RBFOX3: variants seen among roughly 807,000 people sequenced by gnomAD.
The protein encoded by RBFOX3 is RNA binding protein fox-1 homolog 3.
Under a neutral mutation model 48.7 loss-of-function variants are expected in RBFOX3, and 17 were observed. The ratio of observed to expected loss-of-function variants is 0.35; its 90% CI spans 0.24 to 0.52. The LOEUF (loss-of-function observed/expected upper bound fraction) is 0.52, where lower values mean the gene tolerates loss of function less well. Among genes scored for constraint, RBFOX3 ranks in the 20% least tolerant of loss-of-function variants. The pLI is 0.94. For synonymous variants in RBFOX3, 212 were observed against 209.5 expected (o/e 1.01, Z -0.10); for missense variants, 382 against 497.5 (o/e 0.77, Z 2.21).
At chr17:79,588,087 C>T (rs1000616737) in intron 1 of RBFOX3, among the ~76,000 whole-genome samples, 5 of 152,180 alleles carry the variant, frequency 3.3e-5, no homozygotes, top group Non-Finnish European at 7.3e-5. Flanking sequence ...CCCACCTTGG[C>T]CTCCCAAAGT....
At chr17:79,181,956 C>T (rs1041230166) in intron 4 of RBFOX3, among the ~76,000 whole-genome samples, 1 of 135,552 alleles carries the variant, frequency 7.4e-6, no homozygotes. Flanking sequence ...CTCATTGTCT[C>T]CAAGAAACAC....
In RBFOX3 at chr17:79,412,351, A is replaced by ATG. The variant is rs1452163797; in HGVS notation, c.-175+70101_-175+70102dup. Among the ~76,000 whole-genome samples, 534 of 150,468 alleles carry ATG rather than the reference A, an allele frequency of 3.5e-3. 2 individuals are homozygous for ATG. Among genetic ancestry groups the ATG allele is most frequent in the African/African-American group, 0.013 (512 of 40,814 alleles). On this transcript the variant is annotated intron_variant, in intron 2 of 14. Coordinates refer to ENST00000693108, the MANE Select transcript of RBFOX3 (RefSeq NM_001350451.2). ...GTGGTGTGTATGCACATGTTGTGAT[A>ATG]TGTGTGGTGTGTATGCACATGTGTG...
intron 4 of RBFOX3, among the ~76,000 whole-genome samples, chr17:79,168,679 C>T (rs2048520328): frequency 6.6e-6 from 1 of 152,228 alleles, no homozygotes; most frequent in Non-Finnish European, 1.5e-5. Context: ...ACAGTGCCAC[C>T]TTGGACAGGC....
chr17:79,291,444 ATCT>A lies in RBFOX3; in HGVS notation c.-74+16277_-74+16279del, dbSNP rs2073244240. On this transcript the variant is annotated intron_variant, in intron 3 of 14. Coordinates refer to ENST00000693108, the MANE Select transcript of RBFOX3 (RefSeq NM_001350451.2). ...GGAGCTGACATTAAATACAGTAGGA[ATCT>A]GCAGCCCTCGGCTTCAAGTGTGGGG... Among the ~76,000 whole-genome samples, 5 of 152,284 alleles carry A rather than the reference ATCT, an allele frequency of 3.3e-5. No homozygotes were observed. The South Asian group carries it at 1.0e-3, about 32-fold the overall frequency.
At position 79,244,737 on chromosome 17, in the gene RBFOX3, ATTCCTTTCCTTCC is replaced by A. The variant is rs1567906845; in HGVS notation, c.-73-8945_-73-8933del. Among the ~76,000 whole-genome samples, 3 of 109,068 alleles carry A rather than the reference ATTCCTTTCCTTCC, an allele frequency of 2.8e-5. No individual in the cohort carries two copies. In the Admixed American group the frequency reaches 3.2e-4, roughly 12 times the overall value. The allele number at this position is 109,068 out of a possible 152,430, so 71.6% of individuals were successfully genotyped here. On this transcript the variant is annotated intron_variant, in intron 3 of 14. Transcript: ENST00000693108. ...CCTTTTCTTTCCTCTTTCTTCTCCC[ATTCCTTTCCTTCC>A]TTCCTTCCTTTTCTTCCTTCCTTCC...
the RBFOX3 span, among the ~76,000 whole-genome samples, chr17:79,644,131 A>G: frequency 6.6e-6 from 1 of 152,142 alleles, no homozygotes; most frequent in African/African-American, 2.4e-5. Flanking sequence ...TGAAAACACA[A>G]CTTACCAAAA....
chr17:79,551,367 A>T (rs1775860327), intron 1 of RBFOX3, among the ~76,000 whole-genome samples: 1 of 152,144 alleles, frequency 6.6e-6, no homozygotes, highest in Non-Finnish European at 1.5e-5. Flanking sequence ...TCATGTTGAA[A>T]TGCAATCCCC....
At chr17:79,114,632 G>A (rs868225299) in intron 5 of RBFOX3, among the ~76,000 whole-genome samples, 75 of 152,340 alleles carry the variant, frequency 4.9e-4, no homozygotes, top group Middle Eastern at 6.8e-3. Context: ...CCGCCGGGGC[G>A]GTGCCACTCC....
chr17:79,188,335 C>T (rs1474074259), intron 4 of RBFOX3, among the ~76,000 whole-genome samples: 1 of 152,266 alleles, frequency 6.6e-6, no homozygotes, highest in East Asian at 1.9e-4. Context: ...GTCCCCCACC[C>T]ACTGGCACTG....
At chr17:79,371,593 T>A (rs1340849507) in intron 2 of RBFOX3, among the ~76,000 whole-genome samples, 1 of 152,048 alleles carries the variant, frequency 6.6e-6, no homozygotes, top group Non-Finnish European at 1.5e-5. Flanking sequence ...TGTCCAGCAG[T>A]CCCTAGGGTT....
chr17:79,206,148 A>G (rs1257238772), intron 4 of RBFOX3, among the ~76,000 whole-genome samples: 2 of 152,146 alleles, frequency 1.3e-5, no homozygotes, highest in Non-Finnish European at 2.9e-5. Flanking sequence ...AAATATTTAG[A>G]GTCTGGGGCT....
intron 2 of RBFOX3, among the ~76,000 whole-genome samples, chr17:79,320,250 GC>G (rs1220848426): frequency 6.6e-6 from 1 of 152,166 alleles, no homozygotes; most frequent in East Asian, 1.9e-4. Flanking sequence ...CCTGCATGGA[GC>G]CGCTCTTGGT....
intron 1 of RBFOX3, among the ~76,000 whole-genome samples, chr17:79,549,817 G>A (rs965177953): frequency 7.9e-5 from 12 of 152,226 alleles, no homozygotes; most frequent in African/African-American, 2.9e-4. Flanking sequence ...AGCCTGGTCA[G>A]AGCTAACGTT....
intron 2 of RBFOX3, among the ~76,000 whole-genome samples, chr17:79,401,608 A>G (rs977689936): frequency 6.6e-6 from 1 of 152,124 alleles, no homozygotes; most frequent in Non-Finnish European, 1.5e-5. Flanking sequence ...TTTAAAGGAG[A>G]CAACACTCCA....
In RBFOX3 at chr17:79,579,212, C is replaced by A. The variant is rs1020533415; in HGVS notation, c.-320+31614G>T. On this transcript the variant is annotated intron_variant, in intron 1 of 14. Coordinates refer to ENST00000693108, the MANE Select transcript of RBFOX3 (RefSeq NM_001350451.2). ...GTGGGGAGGCACAGACCCGACTGGG[C>A]TCCCTGTCCCCTGCCCGAGGCAGCC... Among the ~76,000 whole-genome samples, 14 of 152,296 alleles carry A rather than the reference C, an allele frequency of 9.2e-5. No individual in the cohort carries two copies. The South Asian group carries it at 2.7e-3, about 29-fold the overall frequency.
At chr17:79,104,307 G>A (rs2076972495) in intron 6 of RBFOX3, among the ~76,000 whole-genome samples, 181 bp from the exon 7 acceptor site, 1 of 152,186 alleles carries the variant, frequency 6.6e-6, no homozygotes, top group South Asian at 2.1e-4. Flanking sequence ...CTGGGACTTG[G>A]CCACTTGGAG....
chr17:79,388,169 C>G (rs1251979231), intron 2 of RBFOX3, among the ~76,000 whole-genome samples: 1 of 152,180 alleles, frequency 6.6e-6, no homozygotes, highest in Non-Finnish European at 1.5e-5. Flanking sequence ...TGTGTGTTAG[C>G]AGCTCTCTGA....
At chr17:79,540,348 T>G (rs1230437024) in intron 1 of RBFOX3, among the ~76,000 whole-genome samples, 2 of 152,178 alleles carry the variant, frequency 1.3e-5, no homozygotes, top group African/African-American at 4.8e-5. Context: ...CAGTGCCCGG[T>G]GCACGGAAGG....
the RBFOX3 span, among the ~76,000 whole-genome samples, chr17:79,620,117 GCACACATA>G: frequency 6.2e-3 from 788 of 126,114 alleles, 16 homozygotes; most frequent in East Asian, 0.059. Context: ...GCACGCATAT[GCACACATA>G]CACACATGCA....
Sources: gnomAD v4.1 joint callset for allele counts (sites outside exome capture counted in the v4.1 genomes callset) on GRCh38, gnomAD v4.1.1 for gene constraint, MANE v1.5 for transcripts, NCBI Gene and HGNC (gene_info 2026-07-23, HGNC 2026-07-21) for gene names.